Variants in TMEM256 observed in about 807,000 individuals in gnomAD.
The protein encoded by TMEM256 is transmembrane protein 256, also known as UPF0451 protein C17orf61.
TMEM256 carries 14 observed loss-of-function variants against 14.8 expected under a neutral mutation model. The ratio of observed to expected loss-of-function variants is 0.95; its 90% confidence interval spans 0.63 to 1.48. The LOEUF is 1.48. TMEM256 is among the 40% of genes most tolerant of loss of function. The pLI is 0.00. For missense variants in TMEM256, 146 were observed against 137.9 expected, an observed-to-expected ratio of 1.06 and a Z score of -0.30; for synonymous variants, 68 against 60.7, an observed-to-expected ratio of 1.12 and a Z score of -0.56.
At chr17:7,403,593 A>T in intron 2 of TMEM256, 65 bp downstream of exon 2, 1 of 1,165,282 alleles carries the variant, frequency 8.6e-7, no homozygotes, top group Non-Finnish European at 1.2e-6. Flanking sequence ...CACTTCCCCC[A>T]GGGACCCCAG....
chr17:7,404,090 T>G lies in TMEM256; in HGVS notation c.-6A>C. ...GCTGCAGCTGGCCCGGCCATAGCTGTAGAACAGGACGCACCGGACCAACGC... is the reference window on the plus strand; with the variant it reads ...GCTGCAGCTGGCCCGGCCATAGCTGGAGAACAGGACGCACCGGACCAACGC... On this transcript the variant is annotated 5_prime_UTR_variant, in exon 1 of 4. Coordinates refer to ENST00000302422, the MANE Select transcript of TMEM256 (RefSeq NM_152766.5). 1 of 1,575,760 alleles carries G rather than the reference T, an allele frequency of 6.3e-7. No individual in the cohort carries two copies.
chr17:7,403,246 G>C (rs766612698), intron 3 of TMEM256, 37 bp from the exon 4 acceptor site: 58 of 1,614,092 alleles, frequency 3.6e-5, no homozygotes, highest in Non-Finnish European at 4.2e-5. Context: ...GGATTGTTAA[G>C]AACAGGGCAG....
chr17:7,403,729 A>G, intron 1 of TMEM256, 40 bp from the exon 2 acceptor site: 1 of 1,606,412 alleles, frequency 6.2e-7, no homozygotes, highest in Non-Finnish European at 8.5e-7. Context: ...TCCTAGTGCC[A>G]GCCCTGACCG....
chr17:7,403,023 A>G lies in TMEM256; in HGVS notation c.*43T>C, dbSNP rs1307388884. 2 of 1,563,728 alleles carry G rather than the reference A, an allele frequency of 1.3e-6. No homozygotes were observed. The highest frequency in any genetic ancestry group is 2.8e-5 in the African/African-American group (2 of 71,982). ...CCTCTTCTTACTCCAACTCTTTAAA[A>G]AAAAAACTGCCCAGAAAACCCAGTA... On this transcript the variant is annotated 3_prime_UTR_variant, in exon 4 of 4. Transcript: ENST00000302422.
At position 7,403,301 on chromosome 17, in the gene TMEM256, A is replaced by C. The variant is rs1906413161; in HGVS notation, c.198+9T>G. The C allele has an allele frequency of 6.2e-7, 1 of 1,614,196 alleles. No homozygotes were observed. The highest frequency in any genetic ancestry group is 1.3e-5 in the African/African-American group (1 of 75,036). Reference sequence around the variant, plus strand: ...GGCTTGGTCAGGGTTAGGCGCAGGGAAAGATTACCCAGAGTGGCTTTCTGC... The same window carrying C: ...GGCTTGGTCAGGGTTAGGCGCAGGGCAAGATTACCCAGAGTGGCTTTCTGC... On this transcript the variant is annotated intron_variant, in intron 3 of 3. Transcript: ENST00000302422.
rs539301906 is a variant in TMEM256 at position 7,403,376 on chromosome 17, G to A, written c.132C>T (p.Ala44=). Reference sequence around the variant, plus strand: ...GGCTGTGTAAGAAGTGGTGTTTGTTGGCCTTGTCAAACAGCTGTAAGAAAA... The same window carrying A: ...GGCTGTGTAAGAAGTGGTGTTTGTTAGCCTTGTCAAACAGCTGTAAGAAAA... ...DAYGKELFDK[A]NKHHFLHSLA... is the part of the protein sequence containing the mutation. The change falls in exon 3 of 4, where the codon GCC becomes GCT. Residue 44 remains alanine, a synonymous_variant. Transcript: ENST00000302422. 5.0e-6 allele frequency: 8 copies of A among 1,614,150 alleles called. No individual in the cohort carries two copies. The highest frequency in any genetic ancestry group is 5.9e-6 in the Non-Finnish European group (7 of 1,180,012).
rs1406046701 is a variant in TMEM256, at chr17:7,404,093, A to G, written c.-9T>C. 6.4e-7 allele frequency: 1 copy of G among 1,566,472 alleles called. No individual in the cohort carries two copies. The highest frequency in any genetic ancestry group is 2.3e-5 in the East Asian group (1 of 43,112). On this transcript the variant is annotated 5_prime_UTR_variant, in exon 1 of 4. Coordinates refer to ENST00000302422, the MANE Select transcript of TMEM256 (RefSeq NM_152766.5). The stretch of plus-strand genomic sequence containing the variant: ...GCAGCTGGCCCGGCCATAGCTGTAG[A>G]ACAGGACGCACCGGACCAACGCCGC...
In TMEM256 at chr17:7,403,919, A is replaced by T. The variant is rs905202505; in HGVS notation, c.85+81T>A. 54 of 1,416,658 alleles carry T rather than the reference A, an allele frequency of 3.8e-5. 2 individuals carry two copies. In the Middle Eastern group the frequency reaches 1.6e-3, roughly 43 times the overall value. The allele number at this position is 1,416,658 out of a possible 1,614,324, so 87.8% of individuals were successfully genotyped here. ...CTGTCTGATAAACGAGAGGCCGGGC[A>T]CCTCCCATAGGTTACGCCCTTGCAG... is the stretch of plus-strand genomic sequence containing the variant. On this transcript the variant is annotated intron_variant, in intron 1 of 3. Transcript: ENST00000302422.
At chr17:7,403,849 A>T in intron 1 of TMEM256, 151 bp downstream of exon 1, 1 of 1,146,032 alleles carries the variant, frequency 8.7e-7, no homozygotes, top group Non-Finnish European at 1.2e-6. Context: ...CTGGGAACCA[A>T]TTGGACCCAG....
chr17:7,403,830 C>A, intron 1 of TMEM256, 141 bp from the exon 2 acceptor site: 3 of 1,060,136 alleles, frequency 2.8e-6, no homozygotes, highest in Non-Finnish European at 3.9e-6. Context: ...GGAACACGCT[C>A]GGGCAGTACT....
intron 1 of TMEM256, 144 bp downstream of exon 1, chr17:7,403,856 C>G: frequency 7.8e-7 from 1 of 1,279,688 alleles, no homozygotes; most frequent in Non-Finnish European, 1.1e-6. Context: ...CCAATTGGAC[C>G]CAGCTGGGGG....
At chr17:7,403,839 C>A in intron 1 of TMEM256, 150 bp from the exon 2 acceptor site, 1 of 1,139,080 alleles carries the variant, frequency 8.8e-7, no homozygotes, top group Non-Finnish European at 1.2e-6. Context: ...TCGGGCAGTA[C>A]TGGGAACCAA....
chr17:7,403,557 G>C (rs1906430045), intron 2 of TMEM256, 101 bp downstream of exon 2: 4 of 1,554,072 alleles, frequency 2.6e-6, no homozygotes, highest in Admixed American at 1.7e-5. Context: ...CCAGAGATCC[G>C]CGGCTCGCCC....
intron 2 of TMEM256, 69 bp downstream of exon 2, chr17:7,403,589 C>T (rs2150806470): frequency 6.2e-7 from 1 of 1,603,172 alleles, no homozygotes; most frequent in Non-Finnish European, 8.5e-7. Flanking sequence ...CGCCCACTTC[C>T]CCCAGGGACC....
chr17:7,403,539 T>C lies in TMEM256; in HGVS notation c.117+119A>G. ...CTTTGGCTTACAGAGCCTTTGGCCT[T>C]TGCTGCTCCAGAGATCCGCGGCTCG... On this transcript the variant is annotated intron_variant, in intron 2 of 3. Coordinates refer to ENST00000302422, the MANE Select transcript of TMEM256 (RefSeq NM_152766.5). 5 of 1,536,688 alleles carry C rather than the reference T, an allele frequency of 3.3e-6. No homozygotes were observed. The South Asian group carries it at 5.7e-5, about 17-fold the overall frequency.
At chr17:7,403,578 C>A in intron 2 of TMEM256, 80 bp downstream of exon 2, 1 of 1,576,732 alleles carries the variant, frequency 6.3e-7, no homozygotes, top group South Asian at 1.1e-5. Flanking sequence ...CACCCTCTCC[C>A]CGCCCACTTC....
At chr17:7,403,622 C>T (rs766413374) in intron 2 of TMEM256, 36 bp downstream of exon 2, 4 of 1,612,580 alleles carry the variant, frequency 2.5e-6, no homozygotes, top group Middle Eastern at 1.7e-4. Context: ...CCTTCGTAGA[C>T]CCACGAGTCA....
chr17:7,403,571 C>G, intron 2 of TMEM256, 87 bp downstream of exon 2: 2 of 1,554,682 alleles, frequency 1.3e-6, no homozygotes, highest in Non-Finnish European at 1.8e-6. Context: ...CTCGCCCCAC[C>G]CTCTCCCCGC....
rs1301205069 is a variant in TMEM256 at position 7,403,019 on chromosome 17, T to A, written c.*47A>T. 7.2e-5 allele frequency: 91 copies of A among 1,260,612 alleles called. No individual in the cohort carries two copies. The highest frequency in any genetic ancestry group is 2.9e-4 in the Middle Eastern group (1 of 3,444). The allele number at this position is 1,260,612 out of a possible 1,614,324, so 78.1% of individuals were successfully genotyped here. On this transcript the variant is annotated 3_prime_UTR_variant, in exon 4 of 4. Transcript: ENST00000302422. ...TAATCCTCTTCTTACTCCAACTCTT[T>A]AAAAAAAAAACTGCCCAGAAAACCC...
Sources: gnomAD v4.1 joint callset for allele counts on GRCh38, gnomAD v4.1.1 for gene constraint, MANE v1.5 for transcripts, NCBI Gene and HGNC (gene_info 2026-07-23, HGNC 2026-07-21) for gene names.